PSMG2: variants seen among roughly 807,000 people sequenced by gnomAD.
PSMG2 encodes the protein CD40 ligand-activated specific transcript 3.
A neutral mutation model predicts 31.5 loss-of-function variants in PSMG2; 21 were observed. That is an observed-to-expected ratio of 0.67 (90% CI 0.47 to 0.96). The LOEUF (loss-of-function observed/expected upper bound fraction) is 0.96. Ranked by LOEUF, PSMG2 falls within the 40% of genes least tolerant of loss-of-function variation. The pLI, the probability that PSMG2 is intolerant of heterozygous loss-of-function variation, is 0.00. For missense variants in PSMG2, 318 were observed against 321.2 expected, an observed-to-expected ratio of 0.99 and a Z score of 0.08; for synonymous variants, 120 against 110.4, an observed-to-expected ratio of 1.09 and a Z score of -0.54.
intron 3 of PSMG2, among the ~76,000 whole-genome samples, chr18:12,713,417 C>A (rs184288093): frequency 6.6e-6 from 1 of 152,166 alleles, no homozygotes. Context: ...AAATCTGCCT[C>A]CCTGTGCTGA....
At chr18:12,678,023 G>C in intron 1 of PSMG2, 2 of 998,778 alleles carry the variant, frequency 2.0e-6, no homozygotes, top group Admixed American at 2.2e-5. Flanking sequence ...CTAGAATAGT[G>C]ACTGGCACTA....
chr18:12,694,905 C>T (rs1393932882), intron 1 of PSMG2, among the ~76,000 whole-genome samples: 1 of 151,130 alleles, frequency 6.6e-6, no homozygotes, highest in Admixed American at 6.6e-5. Flanking sequence ...TTAGTAGAGG[C>T]GGGGTTTCAC....
upstream of PSMG2, chr18:12,702,607 C>A (rs1376730782): frequency 1.3e-6 from 2 of 1,555,554 alleles, no homozygotes; most frequent in Middle Eastern, 1.8e-4. Flanking sequence ...AACTGCGCGG[C>A]CCCGGCCGGG....
chr18:12,698,448 C>T (rs1022607196), upstream of PSMG2, among the ~76,000 whole-genome samples: 16 of 152,118 alleles, frequency 1.1e-4, no homozygotes, highest in African/African-American at 3.6e-4. Flanking sequence ...GGATTACAGG[C>T]ATGAGCCACC....
chr18:12,696,983 A>T (rs570200486), intron 1 of PSMG2, among the ~76,000 whole-genome samples: 1 of 152,066 alleles, frequency 6.6e-6, no homozygotes, highest in Non-Finnish European at 1.5e-5. Context: ...TCCTGTATTC[A>T]TTTTCCAGAA....
intron 1 of PSMG2, chr18:12,678,390 T>C: frequency 6.2e-7 from 1 of 1,614,154 alleles, no homozygotes; most frequent in Non-Finnish European, 8.5e-7. Context: ...TACAGTGGTT[T>C]GGGCTGTTCA....
chr18:12,714,880 T>G (rs143748895), intron 3 of PSMG2, among the ~76,000 whole-genome samples: 69 of 151,984 alleles, frequency 4.5e-4, no homozygotes, highest in African/African-American at 1.5e-3. Flanking sequence ...AAGTTTTGTA[T>G]TTTTAGTAAA....
At chr18:12,676,441 ATTTTTGTACT>A (rs2039139940) in intron 1 of PSMG2, among the ~76,000 whole-genome samples, 1 of 149,292 alleles carries the variant, frequency 6.7e-6, no homozygotes, top group South Asian at 2.1e-4. Flanking sequence ...CACCCGGCTA[ATTTTTGTACT>A]TTTTGTAGAG....
intron 1 of PSMG2, chr18:12,678,543 C>G: frequency 1.4e-6 from 1 of 704,796 alleles, no homozygotes; most frequent in South Asian, 2.1e-5. Context: ...AACTACTTCT[C>G]AGAACTACAG....
chr18:12,714,221 C>T (rs1304299009), intron 3 of PSMG2, among the ~76,000 whole-genome samples: 1 of 152,152 alleles, frequency 6.6e-6, no homozygotes, highest in Non-Finnish European at 1.5e-5. Context: ...CCTCACGTTC[C>T]AAGTTCGCAG....
chr18:12,705,572 AGAGAGT>A (rs1199308267), intron 1 of PSMG2, among the ~76,000 whole-genome samples: 146 of 129,322 alleles, frequency 1.1e-3, no homozygotes, highest in African/African-American at 1.8e-3. Flanking sequence ...AGAGAGAGAG[AGAGAGT>A]GTGTGTGTGT....
intron 1 of PSMG2, chr18:12,673,207 T>A (rs1393223208): frequency 2.3e-6 from 3 of 1,326,114 alleles, no homozygotes; most frequent in Non-Finnish European, 2.9e-6. Context: ...GAATGCATGA[T>A]TTTTTTTAAA....
At chr18:12,724,413 G>A (rs962127254) in intron 5 of PSMG2, 86 bp from the exon 6 acceptor site, 4 of 1,334,100 alleles carry the variant, frequency 3.0e-6, no homozygotes, top group Middle Eastern at 5.2e-4. Context: ...AACCAGGTAG[G>A]TTATCGTAGC....
intron 1 of PSMG2, chr18:12,695,284 T>G: frequency 6.4e-7 from 1 of 1,564,306 alleles, no homozygotes; most frequent in Non-Finnish European, 8.8e-7. Flanking sequence ...GAGATAACGT[T>G]TGATTGAGTG....
intron 1 of PSMG2, among the ~76,000 whole-genome samples, chr18:12,693,388 C>CACTCAAGCCTGAG (rs1257300162): frequency 1.3e-5 from 2 of 151,914 alleles, no homozygotes; most frequent in Non-Finnish European, 2.9e-5. Flanking sequence ...CACACCACTG[C>CACTCAAGCCTGAG]ACTCAAGCCT....
At position 12,720,703 on chromosome 18, in the gene PSMG2, C is replaced by A; in HGVS notation, c.581+20C>A. 3.1e-6 allele frequency: 5 copies of A among 1,598,776 alleles called. No homozygotes were observed. The highest frequency in any genetic ancestry group is 2.2e-5 in the South Asian group (2 of 89,376). On this transcript the variant is annotated intron_variant, in intron 5 of 6. Coordinates refer to ENST00000317615, the MANE Select transcript of PSMG2 (RefSeq NM_020232.5). ...TGAAAGGTGAGTTTGTTTGCCTGTTCATTTGTTTCCCACTTTACTTAAAAA... is the reference window on the plus strand; with the variant it reads ...TGAAAGGTGAGTTTGTTTGCCTGTTAATTTGTTTCCCACTTTACTTAAAAA...
At chr18:12,698,976 T>C (rs1296405026), upstream of PSMG2, 2 of 1,589,222 alleles carry the variant, frequency 1.3e-6, no homozygotes, top group African/African-American at 2.7e-5. Flanking sequence ...TACTGTTTCT[T>C]ACCCAAGCTT....
upstream of PSMG2, among the ~76,000 whole-genome samples, chr18:12,701,406 C>G (rs2040145297): frequency 6.6e-6 from 1 of 152,068 alleles, no homozygotes; most frequent in African/African-American, 2.4e-5. Context: ...GTAGGCAGAT[C>G]AAAGTATGAT....
At chr18:12,676,028 T>G (rs1305465187) in intron 1 of PSMG2, among the ~76,000 whole-genome samples, 4 of 152,106 alleles carry the variant, frequency 2.6e-5, no homozygotes, top group African/African-American at 9.7e-5. Context: ...AAGTTAAAAA[T>G]AATAATATTA....
Sources: gnomAD v4.1 joint callset for allele counts (sites outside exome capture counted in the v4.1 genomes callset) on GRCh38, gnomAD v4.1.1 for gene constraint, MANE v1.5 for transcripts, NCBI Gene and HGNC (gene_info 2026-07-23, HGNC 2026-07-21) for gene names.